The following RIMS1 variants were observed in gnomAD, a reference collection of about 807,000 sequenced individuals.
RIMS1 encodes the protein regulating synaptic membrane exocytosis 1.
RIMS1 carries 83 observed loss-of-function variants against 214.1 expected under a neutral mutation model. That is an observed-to-expected ratio of 0.39 (90% CI 0.32 to 0.47). The LOEUF is 0.47. Ranked by LOEUF, RIMS1 falls within the 20% of genes least tolerant of loss-of-function variation. The pLI is 0.99. For synonymous variants in RIMS1, 793 were observed against 786.8 expected, an observed-to-expected ratio of 1.01 and a Z score of -0.13; for missense variants, 2,050 against 2,161.8, an observed-to-expected ratio of 0.95 and a Z score of 1.03.
intron 10 of RIMS1, among the ~76,000 whole-genome samples, chr6:72,244,870 C>T (rs1036537734): frequency 2.6e-5 from 4 of 151,938 alleles, no homozygotes; most frequent in Admixed American, 1.3e-4. Context: ...GTGAAGTCAG[C>T]TCATAAGGTA....
intron 29 of RIMS1, among the ~76,000 whole-genome samples, chr6:72,383,345 C>T (rs1293001874): frequency 6.6e-6 from 1 of 151,974 alleles, no homozygotes; most frequent in African/African-American, 2.4e-5. Context: ...AGTATTGGGG[C>T]ACAAAGCACT....
At chr6:71,929,459 T>C (rs1782448321) in intron 1 of RIMS1, among the ~76,000 whole-genome samples, 1 of 152,020 alleles carries the variant, frequency 6.6e-6, no homozygotes, top group African/African-American at 2.4e-5. Context: ...AAAATGATAA[T>C]AAAGAAAATT....
intron 4 of RIMS1, among the ~76,000 whole-genome samples, chr6:72,151,210 T>C (rs1431524400): frequency 6.6e-6 from 1 of 151,936 alleles, no homozygotes; most frequent in African/African-American, 2.4e-5. Context: ...GCCTGGCTAA[T>C]TTTTTGTATT....
chr6:72,079,796 G>T (rs1445766624), intron 2 of RIMS1, among the ~76,000 whole-genome samples: 2 of 151,226 alleles, frequency 1.3e-5, no homozygotes, highest in Non-Finnish European at 2.9e-5. Flanking sequence ...GACATGGGAG[G>T]ATTGCCTGAG....
At chr6:72,240,725 G>C (rs2066486380) in intron 9 of RIMS1, among the ~76,000 whole-genome samples, 1 of 145,088 alleles carries the variant, frequency 6.9e-6, no homozygotes, top group Non-Finnish European at 1.5e-5. Flanking sequence ...ATTAGAATTG[G>C]TGGCCGGGCA....
At chr6:72,256,183 A>G (rs2075773477) in intron 16 of RIMS1, among the ~76,000 whole-genome samples, 1 of 152,150 alleles carries the variant, frequency 6.6e-6, no homozygotes, top group Non-Finnish European at 1.5e-5. Flanking sequence ...TGTAAAATGC[A>G]AAGAACTATA....
At chr6:71,925,421 TG>T (rs1582775375) in intron 1 of RIMS1, among the ~76,000 whole-genome samples, 1 of 152,204 alleles carries the variant, frequency 6.6e-6, no homozygotes, top group Non-Finnish European at 1.5e-5. Context: ...TTAAGTTAAA[TG>T]TTATTTTCCT....
At chr6:72,363,888 G>GA (rs1460303750) in intron 29 of RIMS1, among the ~76,000 whole-genome samples, 1 of 152,160 alleles carries the variant, frequency 6.6e-6, no homozygotes, top group Non-Finnish European at 1.5e-5. Context: ...AAGATTATTT[G>GA]ATTTAGTACT....
intron 2 of RIMS1, among the ~76,000 whole-genome samples, chr6:71,979,494 G>C (rs1474724): frequency 0.87 from 132,859 of 152,120 alleles, 58,097 homozygotes; most frequent in East Asian, 1. Flanking sequence ...CCATAAAGTA[G>C]TATATAAATA....
At chr6:72,305,517 C>T (rs1027677440) in intron 26 of RIMS1, among the ~76,000 whole-genome samples, 2 of 152,002 alleles carry the variant, frequency 1.3e-5, no homozygotes, top group East Asian at 3.9e-4. Flanking sequence ...AATGATTGAG[C>T]GTGTACCCAG....
At chr6:72,279,928 A>ATCCATTAGGCC (rs1220464321) in intron 23 of RIMS1, among the ~76,000 whole-genome samples, 4 of 152,014 alleles carry the variant, frequency 2.6e-5, no homozygotes, top group Non-Finnish European at 5.9e-5. Flanking sequence ...ATGTTAAAAC[A>ATCCATTAGGCC]TCCATTAGGC....
At chr6:71,966,677 C>T (rs1794527833) in intron 1 of RIMS1, among the ~76,000 whole-genome samples, 1 of 152,094 alleles carries the variant, frequency 6.6e-6, no homozygotes, top group South Asian at 2.1e-4. Flanking sequence ...ATACCCCACA[C>T]ACCCGGCTAA....
At chr6:72,317,765 T>C (rs1414604364) in intron 28 of RIMS1, among the ~76,000 whole-genome samples, 1 of 152,184 alleles carries the variant, frequency 6.6e-6, no homozygotes, top group African/African-American at 2.4e-5. Context: ...AAGCTTATTA[T>C]CTACACTGTT....
intron 2 of RIMS1, among the ~76,000 whole-genome samples, chr6:72,048,413 G>T (rs928879083): frequency 6.6e-6 from 1 of 152,148 alleles, no homozygotes; most frequent in Non-Finnish European, 1.5e-5. Context: ...TGAGCCAAAA[G>T]CACAGTATTC....
At chr6:72,295,649 A>G (rs956812703) in intron 26 of RIMS1, among the ~76,000 whole-genome samples, 1 of 151,896 alleles carries the variant, frequency 6.6e-6, no homozygotes, top group Admixed American at 6.6e-5. Flanking sequence ...TCTTAAAAGG[A>G]AAGAAAAAAT....
intron 1 of RIMS1, among the ~76,000 whole-genome samples, chr6:71,890,192 A>G (rs1291308529): frequency 6.6e-6 from 1 of 152,154 alleles, no homozygotes; most frequent in Non-Finnish European, 1.5e-5. Context: ...AAATCAAGCT[A>G]CTTTAAAATC....
chr6:72,283,679 T>C (rs958277889), intron 23 of RIMS1, among the ~76,000 whole-genome samples: 1 of 152,118 alleles, frequency 6.6e-6, no homozygotes, highest in Non-Finnish European at 1.5e-5. Flanking sequence ...CCTAAACTAT[T>C]ACCATCATCA....
At chr6:72,392,585 G>T in intron 30 of RIMS1, 113 bp from the exon 31 acceptor site, 1 of 787,580 alleles carries the variant, frequency 1.3e-6, no homozygotes, top group Non-Finnish European at 2.2e-6. Flanking sequence ...AAAACAGATT[G>T]TCTAAGTAAT....
intron 4 of RIMS1, among the ~76,000 whole-genome samples, chr6:72,133,510 A>C (rs2040790845): frequency 6.6e-6 from 1 of 152,216 alleles, no homozygotes; most frequent in Admixed American, 6.5e-5. Flanking sequence ...TGCACATATC[A>C]GTTGGACTTG....
Sources: allele counts gnomAD v4.1 joint callset (sites outside exome capture counted in the v4.1 genomes callset), GRCh38; gene constraint gnomAD v4.1.1; transcripts MANE v1.5; gene names NCBI Gene and HGNC (gene_info 2026-07-23, HGNC 2026-07-21).